ANKRD62: variants seen among roughly 807,000 people sequenced by gnomAD.
ANKRD62 encodes ankyrin repeat domain-containing protein 62.
Under a neutral mutation model 98.8 loss-of-function variants are expected in ANKRD62, and 61 were observed. The ratio of observed to expected loss-of-function variants is 0.62; its 90% CI spans 0.50 to 0.76. The LOEUF (loss-of-function observed/expected upper bound fraction) is 0.76. Among genes scored for constraint, ANKRD62 ranks in the 30% least tolerant of loss-of-function variants. The probability of loss-of-function intolerance (pLI) is 0.00; values close to 1 mark genes in which losing one functional copy is unlikely to be tolerated. For synonymous variants in ANKRD62, 341 were observed against 367.9 expected, an observed-to-expected ratio of 0.93 and a Z score of 0.84; for missense variants, 933 against 1,082.9, an observed-to-expected ratio of 0.86 and a Z score of 1.94.
At chr18:12,169,082 G>C in the ANKRD62 span, among the ~76,000 whole-genome samples, 1 of 152,136 alleles carries the variant, frequency 6.6e-6, no homozygotes, top group Non-Finnish European at 1.5e-5. Flanking sequence ...TCTGCAAACA[G>C]GGACAATTTG....
the ANKRD62 span, among the ~76,000 whole-genome samples, chr18:12,173,743 A>T: frequency 6.6e-6 from 1 of 152,204 alleles, no homozygotes; most frequent in Non-Finnish European, 1.5e-5. Flanking sequence ...TCCTTTATTT[A>T]TGAAGCTTAG....
chr18:12,158,535 A>AT, the ANKRD62 span, among the ~76,000 whole-genome samples: 91,617 of 151,136 alleles, frequency 0.61, 28,225 homozygotes, highest in Middle Eastern at 0.75. Context: ...TTTATTTTTT[A>AT]TTTTTTTTGA....
At chr18:12,111,423 C>T (rs1039571695) in intron 8 of ANKRD62, among the ~76,000 whole-genome samples, 6 of 151,862 alleles carry the variant, frequency 4.0e-5, no homozygotes, top group Admixed American at 2.0e-4. Context: ...TAATAAGAGC[C>T]GTATATGACA....
chr18:12,125,860 C>T lies in ANKRD62; in HGVS notation c.2039C>T (p.Ala680Val), dbSNP rs1402333249. Residue 680 changes from alanine to valine, a missense_variant, in exon 13 of 14, where the codon GCT (alanine) becomes GTT (valine). Ala to Val is a moderately conservative substitution (Grantham distance 64). Around this residue, in one of 3 missense-constraint regions of ANKRD62, gnomAD observed 362 missense variants for 434.5 expected, o/e 0.83. Coordinates refer to ENST00000587848, the MANE Select transcript of ANKRD62 (RefSeq NM_001277333.2). ...RQSSKRDLQL[A>V]FQSTVNEWCH... ...TCATCAAAAAGAGACCTACAGCTTG[C>T]TTTCCAGAGCACAGTGAATGAATGG... is the stretch of plus-strand genomic sequence containing the variant. The T allele has an allele frequency of 2.6e-6, 4 of 1,547,074 alleles. No homozygotes were observed. The African/African-American group carries it at 4.1e-5, about 16-fold the overall frequency.
At chr18:12,168,794 G>A in the ANKRD62 span, among the ~76,000 whole-genome samples, 4 of 152,048 alleles carry the variant, frequency 2.6e-5, no homozygotes, top group Non-Finnish European at 5.9e-5. Flanking sequence ...ATTTGTTTGT[G>A]TCCTCTTTTA....
At chr18:12,135,553 T>C in the ANKRD62 span, among the ~76,000 whole-genome samples, 11 of 151,660 alleles carry the variant, frequency 7.3e-5, 2 homozygotes, top group African/African-American at 2.2e-4. Context: ...TTTGGGTATA[T>C]ACCCAGTAAT....
At chr18:12,136,608 G>A in the ANKRD62 span, among the ~76,000 whole-genome samples, 1 of 152,106 alleles carries the variant, frequency 6.6e-6, no homozygotes, top group Non-Finnish European at 1.5e-5. Flanking sequence ...GATGGGGATG[G>A]CATTGAATCT....
At chr18:12,170,882 T>G in the ANKRD62 span, among the ~76,000 whole-genome samples, 1 of 152,204 alleles carries the variant, frequency 6.6e-6, no homozygotes, top group Non-Finnish European at 1.5e-5. Context: ...TACCATTATG[T>G]AATGGCCTTC....
the ANKRD62 span, among the ~76,000 whole-genome samples, chr18:12,141,216 G>C: frequency 6.6e-6 from 1 of 152,232 alleles, no homozygotes; most frequent in African/African-American, 2.4e-5. Flanking sequence ...CGCAGTATTA[G>C]GGTGGGAGTG....
the ANKRD62 span, among the ~76,000 whole-genome samples, chr18:12,145,742 C>A: frequency 6.6e-6 from 1 of 152,046 alleles, no homozygotes. Flanking sequence ...GCCATTCCAG[C>A]CTTTGGCCTT....
the ANKRD62 span, among the ~76,000 whole-genome samples, chr18:12,136,341 A>G: frequency 1.3e-5 from 2 of 152,068 alleles, no homozygotes; most frequent in Non-Finnish European, 1.5e-5. Flanking sequence ...TTTGTCAAAG[A>G]TCAGATAGTT....
intron 6 of ANKRD62, among the ~76,000 whole-genome samples, chr18:12,101,290 A>G (rs1432345919): frequency 1.3e-5 from 2 of 152,194 alleles, no homozygotes; most frequent in Non-Finnish European, 2.9e-5. Flanking sequence ...TTATAGTTTC[A>G]TATTCATGGA....
chr18:12,110,786 T>C (rs186067552), intron 8 of ANKRD62, among the ~76,000 whole-genome samples: 1 of 152,346 alleles, frequency 6.6e-6, no homozygotes, highest in East Asian at 1.9e-4. Flanking sequence ...CATGGAGAAC[T>C]TTCTCCACCA....
Position 12,095,231 on chromosome 18 carries a change from C to T in ANKRD62, c.279C>T (p.Ala93=), listed in dbSNP as rs1230807630. 6.5e-7 allele frequency: 1 copy of T among 1,538,216 alleles called. No individual in the cohort carries two copies. Residue 93 remains alanine, a synonymous_variant, in exon 2 of 14, where the codon GCC becomes GCT. Coordinates refer to ENST00000587848, the MANE Select transcript of ANKRD62 (RefSeq NM_001277333.2). ...GRPGVVADLV[A]RKCQLNLTDS... is the part of the protein sequence containing the mutation. ...CAGGAGTGGTAGCTGACCTGGTGGCCAGAAAATGCCAGCTTAACCTCACTG... is the reference window on the plus strand; with the variant it reads ...CAGGAGTGGTAGCTGACCTGGTGGCTAGAAAATGCCAGCTTAACCTCACTG...
chr18:12,162,381 C>A, the ANKRD62 span, among the ~76,000 whole-genome samples: 1 of 151,738 alleles, frequency 6.6e-6, no homozygotes, highest in Non-Finnish European at 1.5e-5. Flanking sequence ...GATTTTTTTT[C>A]CTATAGTGTT....
At position 12,125,634 on chromosome 18, in the gene ANKRD62, A is replaced by G. The variant is rs1240406025; in HGVS notation, c.1813A>G (p.Lys605Glu). The change falls in exon 13 of 14, where the codon AAG (lysine) becomes GAG (glutamate). Residue 605 changes from lysine to glutamate, a missense_variant. By Grantham distance (56) the Lys-to-Glu change is moderately conservative. Coordinates refer to ENST00000587848, the MANE Select transcript of ANKRD62 (RefSeq NM_001277333.2). ...IIKENNEDLE[K>E]TLKRNEEALT... The stretch of plus-strand genomic sequence containing the variant: ...AAAGGAAAACAATGAAGACCTTGAA[A>G]AGACTCTCAAGCGGAATGAGGAAGC... The G allele has an allele frequency of 6.5e-7, 1 of 1,527,624 alleles. No homozygotes were observed. Among genetic ancestry groups the G allele is most frequent in the Admixed American group, 2.1e-5 (1 of 48,418 alleles). The allele number at this position is 1,527,624 out of a possible 1,614,324, so 94.6% of individuals were successfully genotyped here. A position where few individuals can be genotyped will look rare whatever the true frequency, so the allele number is the denominator to read the frequency against.
chr18:12,127,890 T>C lies in ANKRD62; in HGVS notation c.2705T>C (p.Met902Thr), dbSNP rs1446087613. Residue 902 changes from methionine to threonine, a missense_variant, in exon 14 of 14, where the codon ATG becomes ACG. Met to Thr is a moderately conservative substitution (Grantham distance 81). Around this residue, in one of 3 missense-constraint regions of ANKRD62, gnomAD observed 362 missense variants for 434.5 expected, o/e 0.83. Transcript: ENST00000587848. ...AGTTTAAAAAAGAAATTAGGCCAGA[T>C]GAGAAGTCAAGTATGTATGAAACTT... is the stretch of plus-strand genomic sequence containing the variant. ...AQSLKKKLGQ[M>T]RSQVCMKLSM... The C allele has an allele frequency of 2.0e-6, 3 of 1,521,428 alleles. No individual in the cohort carries two copies. The African/African-American group carries it at 4.1e-5, about 21-fold the overall frequency. 94.2% of individuals were successfully genotyped at this position (1,521,428 alleles called of 1,614,324 possible).
the ANKRD62 span, among the ~76,000 whole-genome samples, chr18:12,135,314 T>C: frequency 6.7e-6 from 1 of 150,278 alleles, no homozygotes; most frequent in African/African-American, 2.5e-5. Flanking sequence ...GTCCTTGCAA[T>C]AGTTTGCTGA....
chr18:12,170,217 A>T, the ANKRD62 span, among the ~76,000 whole-genome samples: 6 of 152,050 alleles, frequency 3.9e-5, no homozygotes, highest in Non-Finnish European at 7.4e-5. Flanking sequence ...TTTAATTGTG[A>T]TGTTAGGGTG....
Sources: gnomAD v4.1 joint callset for allele counts (sites outside exome capture counted in the v4.1 genomes callset) on GRCh38, gnomAD v4.1.1 for gene constraint, gnomAD v4.1.1 regional missense constraint, MANE v1.5 for transcripts, NCBI Gene and HGNC (gene_info 2026-07-23, HGNC 2026-07-21) for gene names.